DPP10: variants seen among roughly 807,000 people sequenced by gnomAD.
DPP10 encodes dipeptidyl peptidase like 10.
DPP10 carries 33 observed loss-of-function variants against 120.9 expected under a neutral mutation model. The ratio of observed to expected loss-of-function variants is 0.27; its 90% confidence interval spans 0.21 to 0.37. The LOEUF (loss-of-function observed/expected upper bound fraction) is 0.37. Ranked by LOEUF, DPP10 falls within the 10% of genes least tolerant of loss-of-function variation. DPP10 has a pLI of 1.00. For missense variants in DPP10, 816 were observed against 942.8 expected (o/e 0.87, Z 1.76); for synonymous variants, 337 against 326.1 (o/e 1.03, Z -0.36).
At chr2:114,794,854 CATT>C (rs962790108) in intron 1 of DPP10, among the ~76,000 whole-genome samples, 3 of 152,142 alleles carry the variant, frequency 2.0e-5, no homozygotes, top group African/African-American at 4.8e-5. Context: ...CGTTATTAAA[CATT>C]ATTTAACCTC....
At chr2:114,831,336 GGTCA>G (rs1228868229) in intron 1 of DPP10, among the ~76,000 whole-genome samples, 1 of 151,992 alleles carries the variant, frequency 6.6e-6, no homozygotes, top group East Asian at 1.9e-4. Context: ...ATGGGAAATG[GGTCA>G]ACTATCTAGC....
chr2:115,474,819 A>C (rs2074970241), intron 3 of DPP10, among the ~76,000 whole-genome samples: 1 of 152,210 alleles, frequency 6.6e-6, no homozygotes, highest in East Asian at 1.9e-4. Context: ...ACTAATAGCC[A>C]AGACAATGGG....
Position 115,691,963 on chromosome 2 carries a change from T to A in DPP10, c.576+2042T>A, listed in dbSNP as rs923685171. On this transcript the variant is annotated intron_variant, in intron 7 of 25. Transcript: ENST00000410059. ...TAAATAGAAAGGTACTCAAATTATT[T>A]ATTTAATATATATCAACCTTGCTAC... 3.3e-5 allele frequency among the ~76,000 whole-genome samples: 5 copies of A among 152,126 alleles called. No individual in the cohort carries two copies. The East Asian group carries it at 9.6e-4, about 29-fold the overall frequency.
At chr2:115,663,919 C>A (rs1361442821) in intron 5 of DPP10, among the ~76,000 whole-genome samples, 1 of 151,766 alleles carries the variant, frequency 6.6e-6, no homozygotes, top group Non-Finnish European at 1.5e-5. Flanking sequence ...TGCTTGAACC[C>A]GGGAGGCAGA....
At chr2:115,003,088 A>G (rs772179072) in intron 1 of DPP10, among the ~76,000 whole-genome samples, 23 of 151,818 alleles carry the variant, frequency 1.5e-4, no homozygotes, top group Non-Finnish European at 1.5e-5. Flanking sequence ...ACTATTCACA[A>G]TAGCAAAGAC....
chr2:115,573,624 G>C (rs1354476027), intron 5 of DPP10, among the ~76,000 whole-genome samples: 51 of 104,146 alleles, frequency 4.9e-4, no homozygotes, highest in South Asian at 6.5e-4. Flanking sequence ...GTCTCACTCT[G>C]TCACCCAGGC....
chr2:115,225,552 A>C (rs777124539), intron 1 of DPP10, among the ~76,000 whole-genome samples: 11 of 151,708 alleles, frequency 7.3e-5, no homozygotes, highest in Non-Finnish European at 1.5e-4. Flanking sequence ...TCTGGAACTC[A>C]GGGAAGTTTA....
intron 7 of DPP10, among the ~76,000 whole-genome samples, chr2:115,705,319 A>G (rs1203811059): frequency 6.6e-6 from 1 of 151,958 alleles, no homozygotes; most frequent in Non-Finnish European, 1.5e-5. Context: ...GCTTTTTAAT[A>G]CAAAAGTAAT....
chr2:114,669,910 C>T (rs1348493785), intron 1 of DPP10, among the ~76,000 whole-genome samples: 1 of 152,012 alleles, frequency 6.6e-6, no homozygotes, highest in African/African-American at 2.4e-5. Context: ...CCAAAAGACA[C>T]ATGAAAAAAT....
intron 1 of DPP10, among the ~76,000 whole-genome samples, chr2:114,566,531 A>G (rs1409267301): frequency 6.6e-6 from 1 of 152,238 alleles, no homozygotes; most frequent in Non-Finnish European, 1.5e-5. Flanking sequence ...TGGTTTCTCC[A>G]CTAATGTCCT....
At chr2:114,702,677 C>T (rs554212655) in intron 1 of DPP10, among the ~76,000 whole-genome samples, 91 of 152,186 alleles carry the variant, frequency 6.0e-4, no homozygotes, top group South Asian at 3.3e-3. Context: ...TCATATTCAA[C>T]GCTGATGCTG....
intron 1 of DPP10, among the ~76,000 whole-genome samples, chr2:114,829,411 G>T (rs1558784230): frequency 1.4e-5 from 2 of 146,014 alleles, no homozygotes; most frequent in Non-Finnish European, 3.0e-5. Context: ...GAGACAGAGT[G>T]TCGCTCTTGT....
chr2:114,620,427 A>G (rs929140096), intron 1 of DPP10, among the ~76,000 whole-genome samples: 9 of 152,036 alleles, frequency 5.9e-5, no homozygotes, highest in African/African-American at 2.2e-4. Flanking sequence ...TAATCATTTT[A>G]CTATTCAGAA....
intron 5 of DPP10, among the ~76,000 whole-genome samples, chr2:115,681,828 C>A (rs1411065761): frequency 2.2e-5 from 3 of 136,748 alleles, no homozygotes; most frequent in Non-Finnish European, 3.2e-5. Context: ...CTTCTTTCTT[C>A]CTCTTTCTTT....
chr2:115,424,287 A>G (rs576162818), intron 3 of DPP10, among the ~76,000 whole-genome samples: 1 of 152,246 alleles, frequency 6.6e-6, no homozygotes, highest in Admixed American at 6.5e-5. Flanking sequence ...TTTTGCATTA[A>G]GCCAGAACTT....
At chr2:115,605,320 T>A (rs1052857478) in intron 5 of DPP10, among the ~76,000 whole-genome samples, 4 of 152,104 alleles carry the variant, frequency 2.6e-5, no homozygotes, top group African/African-American at 9.7e-5. Context: ...ACATATATCA[T>A]AATTTTTCTA....
rs992010514 is a variant in DPP10, at chr2:115,227,977, A to G, written c.61-81262A>G. Among the ~76,000 whole-genome samples the G allele has an allele frequency of 3.3e-4, 49 of 147,140 alleles. No individual in the cohort carries two copies. In the South Asian group the frequency reaches 3.8e-3, roughly 12 times the overall value. ...TAGTCTGTCACCCAGGCTAGAGTGC[A>G]GTAGTGTGATCGTGGCTCTCTGCAG... On this transcript the variant is annotated intron_variant, in intron 1 of 25. Coordinates refer to ENST00000410059, the MANE Select transcript of DPP10 (RefSeq NM_020868.6).
At chr2:115,246,375 A>G (rs976974453) in intron 1 of DPP10, among the ~76,000 whole-genome samples, 2 of 152,120 alleles carry the variant, frequency 1.3e-5, no homozygotes, top group African/African-American at 4.8e-5. Flanking sequence ...CATGAAGACA[A>G]ACTTTATTCT....
chr2:114,916,109 T>A (rs1449906190), intron 1 of DPP10, among the ~76,000 whole-genome samples: 1 of 151,160 alleles, frequency 6.6e-6, no homozygotes, highest in Admixed American at 6.6e-5. Flanking sequence ...AGAGAGAAAA[T>A]TCAAATAAAT....
Sources: allele counts gnomAD v4.1 joint callset (sites outside exome capture counted in the v4.1 genomes callset), GRCh38; gene constraint gnomAD v4.1.1; transcripts MANE v1.5; gene names NCBI Gene and HGNC (gene_info 2026-07-23, HGNC 2026-07-21).